Variants in SMCO1 observed in about 807,000 individuals in gnomAD.
The protein encoded by SMCO1 is single-pass membrane and coiled-coil domain-containing protein 1.
SMCO1 carries 9 observed loss-of-function variants against 7.5 expected under a neutral mutation model. The ratio of observed to expected loss-of-function variants is 1.20; its 90% CI spans 0.72 to 2.09. SMCO1 has a LOEUF of 2.09. SMCO1 is among the 30% of genes most tolerant of loss of function. The pLI is 0.00. For missense variants in SMCO1, 219 were observed against 253.1 expected (o/e 0.87, Z 0.91); for synonymous variants, 90 against 93.8 (o/e 0.96, Z 0.23).
At chr3:196,520,203 A>G (rs1733468020), upstream of SMCO1, among the ~76,000 whole-genome samples, 1 of 152,166 alleles carries the variant, frequency 6.6e-6, no homozygotes, top group Non-Finnish European at 1.5e-5. Context: ...CCTTGCTTTT[A>G]ATATTATCCA....
upstream of SMCO1, among the ~76,000 whole-genome samples, chr3:196,517,024 G>A (rs115125777): frequency 0.015 from 2,219 of 148,884 alleles, 56 homozygotes; most frequent in African/African-American, 0.052. Context: ...GCTCAAACCC[G>A]GGAGGTGGAG....
chr3:196,512,969 T>C (rs1560284745), intron 1 of SMCO1, among the ~76,000 whole-genome samples: 1 of 152,144 alleles, frequency 6.6e-6, no homozygotes. Context: ...GTATAAAATG[T>C]TCATTTTGTA....
At chr3:196,515,557 C>T (rs117060713), upstream of SMCO1, among the ~76,000 whole-genome samples, 627 of 152,046 alleles carry the variant, frequency 4.1e-3, 32 homozygotes, top group South Asian at 0.1. Flanking sequence ...ATTAACGTAA[C>T]GTATAGGATT....
chr3:196,517,978 T>C (rs1286525565), upstream of SMCO1, among the ~76,000 whole-genome samples: 1 of 152,268 alleles, frequency 6.6e-6, no homozygotes, highest in Non-Finnish European at 1.5e-5. Flanking sequence ...CAAGCATTGA[T>C]TTGCAAGTCA....
At position 196,508,075 on chromosome 3, in the gene SMCO1, A is replaced by G. The variant is rs1733102783; in HGVS notation, c.457T>C (p.Tyr153His). The G allele has an allele frequency of 1.2e-6, 2 of 1,614,064 alleles. No homozygotes were observed. Among genetic ancestry groups the G allele is most frequent in the Non-Finnish European group, 1.7e-6 (2 of 1,180,048 alleles). The change falls in exon 3 of 3, where the codon TAT (tyrosine) becomes CAT (histidine). Residue 153 changes from tyrosine to histidine, a missense_variant. Physicochemically the swap from Tyr to His is moderately conservative, Grantham distance 83. Transcript: ENST00000397537. ...FIARGNKAEHYTAKVRQMYIR... is the reference protein window; with the variant it reads ...FIARGNKAEHHTAKVRQMYIR... ...TACATCTGCCTCACTTTAGCAGTATAGTGTTCTGCCTTGTTACCACGTGCA... is the reference window on the plus strand; with the variant it reads ...TACATCTGCCTCACTTTAGCAGTATGGTGTTCTGCCTTGTTACCACGTGCA...
Position 196,507,709 on chromosome 3 carries a change from C to A in SMCO1, c.*178G>T, listed in dbSNP as rs941603309. 7 of 557,438 alleles carry A rather than the reference C, an allele frequency of 1.3e-5. No individual in the cohort carries two copies. Among genetic ancestry groups the A allele is most frequent in the Non-Finnish European group, 2.2e-5 (7 of 313,922 alleles). The allele number at this position is 557,438 out of a possible 1,614,324, so 34.5% of individuals were successfully genotyped here. ...TCACTTCATATCATTACACAAAGAGCTTCTTCATTCTTTTATATGGCTGCA... is the reference window on the plus strand; with the variant it reads ...TCACTTCATATCATTACACAAAGAGATTCTTCATTCTTTTATATGGCTGCA... On this transcript the variant is annotated 3_prime_UTR_variant, in exon 3 of 3. Transcript: ENST00000397537.
chr3:196,515,828 G>C (rs369413146), upstream of SMCO1, among the ~76,000 whole-genome samples: 91 of 150,668 alleles, frequency 6.0e-4, 4 homozygotes, highest in South Asian at 0.017. Context: ...GAGCGAGACT[G>C]TCTCCACAAA....
chr3:196,510,568 G>C lies in SMCO1; in HGVS notation c.51-899C>G, dbSNP rs553712817. On this transcript the variant is annotated intron_variant, in intron 1 of 2. Transcript: ENST00000397537. Reference sequence around the variant, plus strand: ...GCTTGAATACATTATGTGGTTCCAAGCTTACATATGGCTTATACCCTATTT... The same window carrying C: ...GCTTGAATACATTATGTGGTTCCAACCTTACATATGGCTTATACCCTATTT... Among the ~76,000 whole-genome samples the C allele has an allele frequency of 3.3e-5, 5 of 152,168 alleles. No individual in the cohort carries two copies. In the East Asian group the frequency reaches 5.8e-4, roughly 18 times the overall value.
chr3:196,515,350 A>G (rs572708939), upstream of SMCO1: 35 of 652,796 alleles, frequency 5.4e-5, no homozygotes, highest in African/African-American at 5.7e-4. Context: ...TCTGCCTGAA[A>G]GGTCACTCAG....
rs1263345399 is a variant in SMCO1, at chr3:196,508,049, G to T, written c.483C>A (p.Tyr161Ter). The change falls in exon 3 of 3, where the codon TAC (tyrosine) becomes TAA (stop). Residue 161 changes from tyrosine to a stop codon, truncating the protein, a stop_gained. Coordinates refer to ENST00000397537, the MANE Select transcript of SMCO1 (RefSeq NM_001077657.3). LOFTEE classifies it low-confidence loss of function (END_TRUNC). ...EHYTAKVRQM[Y>*]IRDVTFLITN... ...TAATTAGGAACGTGACATCCCTGAT[G>T]TACATCTGCCTCACTTTAGCAGTAT... The T allele has an allele frequency of 6.2e-7, 1 of 1,614,126 alleles. No homozygotes were observed. The highest frequency in any genetic ancestry group is 8.5e-7 in the Non-Finnish European group (1 of 1,180,008).
chr3:196,515,038 C>A, intron 1 of SMCO1, 122 bp downstream of exon 1: 1 of 1,247,842 alleles, frequency 8.0e-7, no homozygotes, highest in South Asian at 1.2e-5. Flanking sequence ...CCGCACCGGC[C>A]ACAGAGACAG....
At chr3:196,508,949 AAAAAG>A (rs1733135244) in intron 2 of SMCO1, among the ~76,000 whole-genome samples, 2 of 149,610 alleles carry the variant, frequency 1.3e-5, no homozygotes, top group African/African-American at 5.0e-5. Flanking sequence ...AAAAAAAAAA[AAAAAG>A]AAAAAAAAAT....
At chr3:196,515,986 AGGATATATAT>A (rs1414331131), upstream of SMCO1, among the ~76,000 whole-genome samples, 1 of 15,778 alleles carries the variant, frequency 6.3e-5, no homozygotes, top group Non-Finnish European at 9.8e-5. Context: ...GCAAGAGGAT[AGGATATATAT>A]ATATATATAT....
At chr3:196,508,536 C>T (rs1412376360) in intron 2 of SMCO1, among the ~76,000 whole-genome samples, 3 of 151,966 alleles carry the variant, frequency 2.0e-5, no homozygotes, top group African/African-American at 7.2e-5. Flanking sequence ...CTTTGTTGCC[C>T]AGGCTGTTCT....
chr3:196,514,599 G>A (rs1733333494), intron 1 of SMCO1, among the ~76,000 whole-genome samples: 1 of 152,144 alleles, frequency 6.6e-6, no homozygotes. Context: ...CTCCTTGAGG[G>A]CAGAAACCAC....
At position 196,507,924 on chromosome 3, in the gene SMCO1, G is replaced by T; in HGVS notation, c.608C>A (p.Ser203Ter). The T allele has an allele frequency of 6.2e-7, 1 of 1,613,862 alleles. No homozygotes were observed. The highest frequency in any genetic ancestry group is 1.1e-5 in the South Asian group (1 of 91,036). ...KAVRTPEKQK[S>*]SLEELIPSVK... ...AGATGGTATCAACTCTTCGAGGGATGACTTTTGCTTTTCAGGGGTCCTAAC... is the reference window on the plus strand; with the variant it reads ...AGATGGTATCAACTCTTCGAGGGATTACTTTTGCTTTTCAGGGGTCCTAAC... Residue 203 changes from serine (S) to a stop codon, truncating the protein, a stop_gained, in exon 3 of 3, where the codon TCA becomes TAA. Coordinates refer to ENST00000397537, the MANE Select transcript of SMCO1 (RefSeq NM_001077657.3). LOFTEE classifies it high-confidence loss of function.
chr3:196,516,865 G>A (rs966983408), upstream of SMCO1, among the ~76,000 whole-genome samples: 14 of 152,148 alleles, frequency 9.2e-5, no homozygotes, highest in Admixed American at 7.2e-4. Context: ...TTGGGAGGCT[G>A]AGGTGGGTAG....
At chr3:196,520,652 A>G in the SMCO1 span, among the ~76,000 whole-genome samples, 35 of 152,292 alleles carry the variant, frequency 2.3e-4, no homozygotes, top group South Asian at 7.1e-3. Context: ...AGATATATAG[A>G]AACTTTCCAA....
chr3:196,511,050 A>C (rs1733208849), intron 1 of SMCO1, among the ~76,000 whole-genome samples: 1 of 152,226 alleles, frequency 6.6e-6, no homozygotes, highest in Non-Finnish European at 1.5e-5. Context: ...TGAGCCACCT[A>C]GATTGTCCTT....
Sources: allele counts gnomAD v4.1 joint callset (sites outside exome capture counted in the v4.1 genomes callset), GRCh38; gene constraint gnomAD v4.1.1; transcripts MANE v1.5; gene names NCBI Gene and HGNC (gene_info 2026-07-23, HGNC 2026-07-21).